The following ERBB4 variants were observed in gnomAD, a reference collection of about 807,000 sequenced individuals.
The protein encoded by ERBB4 is erb-b2 receptor tyrosine kinase 4.
Under a neutral mutation model 158.0 loss-of-function variants are expected in ERBB4, and 42 were observed. The ratio of observed to expected loss-of-function variants is 0.27; its 90% CI spans 0.21 to 0.34. ERBB4 has a LOEUF of 0.34. ERBB4 is among the 10% of genes least tolerant of loss of function. The pLI is 1.00. For missense variants in ERBB4, 1,333 were observed against 1,624.1 expected, an observed-to-expected ratio of 0.82 and a Z score of 3.08; for synonymous variants, 583 against 558.7, an observed-to-expected ratio of 1.04 and a Z score of -0.61.
chr2:212,396,592 C>G (rs2091032550), intron 1 of ERBB4, among the ~76,000 whole-genome samples: 1 of 151,884 alleles, frequency 6.6e-6, no homozygotes, highest in East Asian at 1.9e-4. Context: ...CTATTATTAC[C>G]CTTACAGAAA....
Position 212,324,641 on chromosome 2 carries a change from C to A in ERBB4, c.83-199738G>T, listed in dbSNP as rs1041129362. ...AAAAATAGGTGGATCTTGCCTACATCTTACTAAATCTGATAATTAGATTTT... is the reference window on the plus strand; with the variant it reads ...AAAAATAGGTGGATCTTGCCTACATATTACTAAATCTGATAATTAGATTTT... On this transcript the variant is annotated intron_variant, in intron 1 of 27. Coordinates refer to ENST00000342788, the MANE Select transcript of ERBB4 (RefSeq NM_005235.3). Among the ~76,000 whole-genome samples, 2 of 150,158 alleles carry A rather than the reference C, an allele frequency of 1.3e-5. 1 individual carries two copies. The highest frequency in any genetic ancestry group is 3.0e-5 in the Non-Finnish European group (2 of 67,040).
chr2:211,925,342 T>A (rs1171563418), intron 3 of ERBB4, among the ~76,000 whole-genome samples: 1 of 150,594 alleles, frequency 6.6e-6, no homozygotes, highest in Non-Finnish European at 1.5e-5. Context: ...TTGAAGGATG[T>A]AATAAAATCA....
Position 211,423,589 on chromosome 2 carries a change from G to A in ERBB4, c.2866+566C>T, listed in dbSNP as rs75783678. Reference sequence around the variant, plus strand: ...GAAAAAAGAAAAGTAAGAGTTTGATGTAAACAAATGATCAAATTGAAAAAA... The same window carrying A: ...GAAAAAAGAAAAGTAAGAGTTTGATATAAACAAATGATCAAATTGAAAAAA... On this transcript the variant is annotated intron_variant, in intron 23 of 27. Transcript: ENST00000342788. Among the ~76,000 whole-genome samples the A allele has an allele frequency of 3.7e-3, 567 of 152,052 alleles. 5 individuals carry two copies. The highest frequency in any genetic ancestry group is 0.013 in the African/African-American group (537 of 41,542).
chr2:211,996,820 T>C (rs1401230509), intron 2 of ERBB4, among the ~76,000 whole-genome samples: 3 of 152,284 alleles, frequency 2.0e-5, no homozygotes, highest in Middle Eastern at 3.4e-3. Context: ...GGGACCACCT[T>C]TATGGTCATA....
chr2:212,501,665 A>G (rs1690897317), intron 1 of ERBB4, among the ~76,000 whole-genome samples: 1 of 152,178 alleles, frequency 6.6e-6, no homozygotes, highest in South Asian at 2.1e-4. Flanking sequence ...AGCATAGAAT[A>G]ATCACTCTGC....
rs770162633 is a variant in ERBB4, at chr2:211,379,417, A to C, written c.*4198T>G. The C allele has an allele frequency of 2.5e-4, 57 of 229,596 alleles. No individual in the cohort carries two copies. Among genetic ancestry groups the C allele is most frequent in the Non-Finnish European group, 4.0e-4 (46 of 115,850 alleles). 14.2% of individuals were successfully genotyped at this position (229,596 alleles called of 1,614,324 possible). A position where few individuals can be genotyped will look rare whatever the true frequency, so the allele number is the denominator to read the frequency against. On this transcript the variant is annotated 3_prime_UTR_variant, in exon 28 of 28. Transcript: ENST00000342788. ...TGATAAAGGAATAAGAGAATGAGAA[A>C]AAATTGTTCATTGTAATGCTTTAAA...
At chr2:211,948,110 AG>A (rs2080754226) in intron 2 of ERBB4, among the ~76,000 whole-genome samples, 1 of 152,136 alleles carries the variant, frequency 6.6e-6, no homozygotes, top group East Asian at 1.9e-4. Flanking sequence ...GTACATCTCT[AG>A]GGAACACAAA....
chr2:211,630,802 T>C (rs2070090038), intron 16 of ERBB4, among the ~76,000 whole-genome samples: 2 of 152,132 alleles, frequency 1.3e-5, no homozygotes. Flanking sequence ...GTTTAACAAA[T>C]AATAAACCAT....
chr2:212,121,634 C>T (rs1209018725), intron 2 of ERBB4, among the ~76,000 whole-genome samples: 1 of 152,152 alleles, frequency 6.6e-6, no homozygotes, highest in Admixed American at 6.5e-5. Context: ...TCTCCACCAT[C>T]GACGTTCTCT....
chr2:212,517,085 A>G (rs1193959160), intron 1 of ERBB4, among the ~76,000 whole-genome samples: 6 of 152,138 alleles, frequency 3.9e-5, no homozygotes, highest in Admixed American at 3.9e-4. Context: ...AGAGTTTGTG[A>G]ATTACAGATG....
intron 1 of ERBB4, among the ~76,000 whole-genome samples, chr2:212,175,032 G>A (rs759413952): frequency 7.2e-5 from 11 of 152,042 alleles, no homozygotes; most frequent in Middle Eastern, 3.4e-3. Flanking sequence ...TTCCTCTGCC[G>A]TTTCTTTCAA....
chr2:212,386,484 T>C (rs1299361010), intron 1 of ERBB4, among the ~76,000 whole-genome samples: 4 of 151,250 alleles, frequency 2.6e-5, no homozygotes, highest in Non-Finnish European at 4.4e-5. Context: ...TCTCTACATA[T>C]GAACAATTAG....
At chr2:211,859,382 C>A (rs1359613597) in intron 3 of ERBB4, among the ~76,000 whole-genome samples, 2 of 152,188 alleles carry the variant, frequency 1.3e-5, no homozygotes, top group East Asian at 1.9e-4. Context: ...AATTATCTAA[C>A]CTTTGTCAAA....
intron 1 of ERBB4, among the ~76,000 whole-genome samples, chr2:212,135,745 T>G: frequency 6.6e-6 from 1 of 152,346 alleles, no homozygotes; most frequent in African/African-American, 2.4e-5. Context: ...AAGTCCTTCT[T>G]ATTTACTTTG....
At chr2:211,495,596 T>C (rs1429625716) in intron 20 of ERBB4, among the ~76,000 whole-genome samples, 2 of 152,102 alleles carry the variant, frequency 1.3e-5, no homozygotes, top group Non-Finnish European at 2.9e-5. Context: ...TTGTCTGATA[T>C]TTGAATCTCT....
intron 2 of ERBB4, among the ~76,000 whole-genome samples, chr2:212,025,525 T>A (rs2076753009): frequency 6.6e-6 from 1 of 151,810 alleles, no homozygotes; most frequent in African/African-American, 2.4e-5. Flanking sequence ...CCTTGCCCAT[T>A]ACACCACTAG....
In ERBB4 at chr2:212,248,542, AC is replaced by A. The variant is rs140960025; in HGVS notation, c.83-123640del. ...GTGATATACTTTAACAAAGGCATCT[AC>A]CTATGCTGCCTCAAATTAAGAAGTT... On this transcript the variant is annotated intron_variant, in intron 1 of 27. Transcript: ENST00000342788. Among the ~76,000 whole-genome samples, 1,794 of 152,296 alleles carry A rather than the reference AC, an allele frequency of 0.012. 130 individuals are homozygous for A. In the East Asian group the frequency reaches 0.2, roughly 17 times the overall value.
At chr2:212,187,224 T>G (rs975456730) in intron 1 of ERBB4, among the ~76,000 whole-genome samples, 1 of 151,996 alleles carries the variant, frequency 6.6e-6, no homozygotes, top group Non-Finnish European at 1.5e-5. Flanking sequence ...AGTACTATTA[T>G]TAACATTGAG....
chr2:211,631,083 G>A (rs908431227), intron 16 of ERBB4, among the ~76,000 whole-genome samples: 3 of 152,120 alleles, frequency 2.0e-5, no homozygotes, highest in Non-Finnish European at 4.4e-5. Flanking sequence ...GTCGCGAAGT[G>A]TCCTGTGCAT....
Sources: gnomAD v4.1 joint callset for allele counts (sites outside exome capture counted in the v4.1 genomes callset) on GRCh38, gnomAD v4.1.1 for gene constraint, MANE v1.5 for transcripts, NCBI Gene and HGNC (gene_info 2026-07-23, HGNC 2026-07-21) for gene names.